CACNA2D3: variants seen among roughly 807,000 people sequenced by gnomAD.
CACNA2D3 encodes the protein calcium voltage-gated channel auxiliary subunit alpha2delta 3.
Under a neutral mutation model 160.6 loss-of-function variants are expected in CACNA2D3, and 60 were observed. The ratio of observed to expected loss-of-function variants is 0.37; its 90% CI spans 0.30 to 0.46. The LOEUF (loss-of-function observed/expected upper bound fraction) is 0.46. CACNA2D3 is among the 20% of genes least tolerant of loss of function. CACNA2D3 has a pLI of 1.00. For synonymous variants in CACNA2D3, 558 were observed against 492.9 expected, an observed-to-expected ratio of 1.13 and a Z score of -1.75; for missense variants, 1,205 against 1,365.0, an observed-to-expected ratio of 0.88 and a Z score of 1.85.
chr3:54,357,245 C>T lies in CACNA2D3; in HGVS notation c.322-29470C>T, dbSNP rs560631294. On this transcript the variant is annotated intron_variant, in intron 3 of 37. Transcript: ENST00000474759. ...TATTAAATGAATGAGGCATGGTCAG[C>T]GGGTGCAATTAGCTCTGTACAAACT... Among the ~76,000 whole-genome samples the T allele has an allele frequency of 5.0e-4, 76 of 152,246 alleles. 2 individuals are homozygous for T. In the South Asian group the frequency reaches 0.014, roughly 27 times the overall value.
chr3:54,150,121 T>C (rs1382619799), intron 2 of CACNA2D3, among the ~76,000 whole-genome samples: 1 of 151,502 alleles, frequency 6.6e-6, no homozygotes, highest in Non-Finnish European at 1.5e-5. Flanking sequence ...GGGGATTTGC[T>C]TCCCTCCATA....
At chr3:54,677,778 C>G (rs1230883643) in intron 11 of CACNA2D3, among the ~76,000 whole-genome samples, 2 of 152,016 alleles carry the variant, frequency 1.3e-5, no homozygotes, top group Admixed American at 6.6e-5. Flanking sequence ...ATATTGGAAT[C>G]TTGTTGTAGT....
intron 2 of CACNA2D3, among the ~76,000 whole-genome samples, chr3:54,295,002 A>G (rs1703308557): frequency 6.6e-6 from 1 of 151,600 alleles, no homozygotes; most frequent in Non-Finnish European, 1.5e-5. Context: ...ATTCTCATCC[A>G]CCTATTCACT....
intron 27 of CACNA2D3, among the ~76,000 whole-genome samples, chr3:54,953,086 C>G (rs1240035228): frequency 6.6e-6 from 1 of 152,120 alleles, no homozygotes; most frequent in Non-Finnish European, 1.5e-5. Flanking sequence ...TTAAATAATG[C>G]ATGTATTTAA....
intron 11 of CACNA2D3, among the ~76,000 whole-genome samples, chr3:54,716,168 A>G (rs988264073): frequency 1.8e-4 from 28 of 152,296 alleles, no homozygotes; most frequent in South Asian, 4.1e-4. Context: ...AAATAATACT[A>G]TGTTCCCATG....
intron 4 of CACNA2D3, among the ~76,000 whole-genome samples, chr3:54,479,750 C>G (rs765213428): frequency 1.3e-5 from 2 of 152,142 alleles, no homozygotes; most frequent in Non-Finnish European, 2.9e-5. Context: ...GTTATTTAAG[C>G]ACTTATCAAA....
intron 27 of CACNA2D3, among the ~76,000 whole-genome samples, chr3:54,955,150 T>C (rs9841185): frequency 0.025 from 3,781 of 152,058 alleles, 175 homozygotes; most frequent in African/African-American, 0.086. Context: ...AATAACCCAG[T>C]GGGGTACAGA....
intron 5 of CACNA2D3, among the ~76,000 whole-genome samples, chr3:54,546,145 G>A (rs1001950323): frequency 2.0e-5 from 3 of 152,180 alleles, no homozygotes; most frequent in East Asian, 1.9e-4. Flanking sequence ...AACAGGGGTC[G>A]GGGGAAGGGC....
chr3:54,317,725 G>A (rs2107505277), intron 2 of CACNA2D3, among the ~76,000 whole-genome samples: 1 of 152,248 alleles, frequency 6.6e-6, no homozygotes, highest in South Asian at 2.1e-4. Flanking sequence ...TTTTAGTAGA[G>A]ATGGGGTTTC....
At chr3:54,240,445 A>G (rs1197185589) in intron 2 of CACNA2D3, among the ~76,000 whole-genome samples, 1 of 152,228 alleles carries the variant, frequency 6.6e-6, no homozygotes, top group Non-Finnish European at 1.5e-5. Context: ...CTGCTTCAGC[A>G]TAATCAGAAA....
intron 3 of CACNA2D3, among the ~76,000 whole-genome samples, chr3:54,363,427 C>T (rs916544384): frequency 1.4e-4 from 21 of 152,166 alleles, no homozygotes; most frequent in African/African-American, 4.8e-4. Flanking sequence ...AGTATAGGAT[C>T]GACCTGGGGA....
intron 13 of CACNA2D3, among the ~76,000 whole-genome samples, chr3:54,808,629 G>A (rs187901143): frequency 3.4e-4 from 52 of 152,236 alleles, no homozygotes; most frequent in African/African-American, 1.3e-3. Flanking sequence ...CTCTTACCTA[G>A]GGCAAGGGAC....
Position 54,222,254 on chromosome 3 carries a change from G to T in CACNA2D3, c.205-98188G>T, listed in dbSNP as rs571025652. Among the ~76,000 whole-genome samples the T allele has an allele frequency of 2.2e-4, 34 of 152,316 alleles. No individual in the cohort carries two copies. In the Middle Eastern group the frequency reaches 0.01, roughly 46 times the overall value. On this transcript the variant is annotated intron_variant, in intron 2 of 37. Transcript: ENST00000474759. Reference sequence around the variant, plus strand: ...AGCTGATGGTGTAGTTCCAGTCTGAGTCTGAAGCCCCCAGAACCAGGAGAG... The same window carrying T: ...AGCTGATGGTGTAGTTCCAGTCTGATTCTGAAGCCCCCAGAACCAGGAGAG...
intron 2 of CACNA2D3, among the ~76,000 whole-genome samples, chr3:54,243,215 C>T (rs899638097): frequency 2.0e-5 from 3 of 152,218 alleles, no homozygotes; most frequent in African/African-American, 7.2e-5. Flanking sequence ...AGGCTGGAAA[C>T]TACCCAGAAA....
chr3:54,149,912 T>C (rs1383406414), intron 2 of CACNA2D3, among the ~76,000 whole-genome samples: 7 of 95,080 alleles, frequency 7.4e-5, no homozygotes, highest in Admixed American at 4.2e-4. Flanking sequence ...TCTCTCTCTC[T>C]CTCTCTCTCT....
chr3:54,796,502 A>G (rs1159702258), intron 13 of CACNA2D3, among the ~76,000 whole-genome samples: 46 of 152,254 alleles, frequency 3.0e-4, no homozygotes, highest in Admixed American at 3.0e-3. Context: ...TCTCTGGCCC[A>G]GTGAACATAA....
chr3:54,574,708 A>T (rs776267037), intron 8 of CACNA2D3, among the ~76,000 whole-genome samples: 2 of 152,250 alleles, frequency 1.3e-5, no homozygotes, highest in Non-Finnish European at 2.9e-5. Context: ...CAATATTATC[A>T]TAAAAATGAG....
intron 4 of CACNA2D3, among the ~76,000 whole-genome samples, chr3:54,404,878 A>T (rs1699543835): frequency 6.6e-6 from 1 of 152,110 alleles, no homozygotes; most frequent in African/African-American, 2.4e-5. Context: ...AGCATCAAAA[A>T]TAAAACAAGA....
chr3:54,499,078 G>T lies in CACNA2D3; in HGVS notation c.382-4414G>T, dbSNP rs542686559. 1.6e-3 allele frequency among the ~76,000 whole-genome samples: 248 copies of T among 152,168 alleles called. 2 individuals carry two copies. The highest frequency in any genetic ancestry group is 5.8e-3 in the African/African-American group (240 of 41,540). On this transcript the variant is annotated intron_variant, in intron 4 of 37. Coordinates refer to ENST00000474759, the MANE Select transcript of CACNA2D3 (RefSeq NM_018398.3). Reference sequence around the variant, plus strand: ...AGAATGTGTGCTCTTCAGTTGTTAGGTATGGAGTTCTATAAATGTTAACTA... The same window carrying T: ...AGAATGTGTGCTCTTCAGTTGTTAGTTATGGAGTTCTATAAATGTTAACTA...
Sources: gnomAD v4.1 joint callset for allele counts (sites outside exome capture counted in the v4.1 genomes callset) on GRCh38, gnomAD v4.1.1 for gene constraint, MANE v1.5 for transcripts, NCBI Gene and HGNC (gene_info 2026-07-23, HGNC 2026-07-21) for gene names.